RALA: variants seen among roughly 807,000 people sequenced by gnomAD.
RALA encodes RAS like proto-oncogene A, also known as ras-related protein Ral-A.
A neutral mutation model predicts 24.0 loss-of-function variants in RALA; 5 were observed. The ratio of observed to expected loss-of-function variants is 0.21; its 90% confidence interval spans 0.11 to 0.44. The LOEUF is 0.44. Among genes scored for constraint, RALA ranks in the 20% least tolerant of loss-of-function variants. The pLI is 0.99. For missense variants in RALA, 95 were observed against 241.2 expected (o/e 0.39, Z 4.01); for synonymous variants, 77 against 83.8 (o/e 0.92, Z 0.44).
At chr7:39,697,167 G>T (rs1051051131) in intron 4 of RALA, among the ~76,000 whole-genome samples, 1 of 151,890 alleles carries the variant, frequency 6.6e-6, no homozygotes, top group South Asian at 2.1e-4. Flanking sequence ...AGAAGGAATC[G>T]TGTGAGTCCC....
intron 1 of RALA, among the ~76,000 whole-genome samples, chr7:39,652,262 A>G (rs1024851632): frequency 1.3e-5 from 2 of 152,194 alleles, no homozygotes; most frequent in African/African-American, 4.8e-5. Context: ...CACTTCTTCA[A>G]GGTCCCACAT....
chr7:39,701,195 C>T (rs1441364456), intron 4 of RALA, among the ~76,000 whole-genome samples: 2 of 152,180 alleles, frequency 1.3e-5, no homozygotes, highest in Non-Finnish European at 2.9e-5. Flanking sequence ...CACATGCTCA[C>T]ATTCTTTCTT....
chr7:39,688,579 A>ATTTT (rs34265657), intron 2 of RALA, among the ~76,000 whole-genome samples: 7 of 142,770 alleles, frequency 4.9e-5, no homozygotes, highest in Non-Finnish European at 4.5e-5. Context: ...CACATGCCTA[A>ATTTT]TTTTTTTTTT....
At chr7:39,669,669 A>C (rs1042881429) in intron 1 of RALA, among the ~76,000 whole-genome samples, 1 of 151,900 alleles carries the variant, frequency 6.6e-6, no homozygotes, top group Non-Finnish European at 1.5e-5. Flanking sequence ...GAAAAAAATT[A>C]ACCAGGCGTG....
At chr7:39,694,823 A>G (rs1792889080) in intron 3 of RALA, among the ~76,000 whole-genome samples, 1 of 152,034 alleles carries the variant, frequency 6.6e-6, no homozygotes, top group Non-Finnish European at 1.5e-5. Flanking sequence ...CAGGCAGATC[A>G]CTTGAGTTCA....
At chr7:39,673,538 TTTCA>T (rs1424689280) in intron 1 of RALA, among the ~76,000 whole-genome samples, 1 of 152,182 alleles carries the variant, frequency 6.6e-6, no homozygotes, top group Non-Finnish European at 1.5e-5. Flanking sequence ...AAATTGGGTC[TTTCA>T]TTATATATTC....
chr7:39,674,270 A>C (rs1001082290), intron 1 of RALA, among the ~76,000 whole-genome samples: 1 of 152,132 alleles, frequency 6.6e-6, no homozygotes, highest in Admixed American at 6.5e-5. Flanking sequence ...GACAGTTTCC[A>C]TGTGATTAAG....
At chr7:39,665,236 A>AT (rs1216340595) in intron 1 of RALA, among the ~76,000 whole-genome samples, 2 of 152,074 alleles carry the variant, frequency 1.3e-5, no homozygotes, top group Non-Finnish European at 1.5e-5. Context: ...CCTACTCAAC[A>AT]TGAAAATGAT....
At chr7:39,634,958 C>T (rs1791661433) in intron 1 of RALA, among the ~76,000 whole-genome samples, 1 of 152,040 alleles carries the variant, frequency 6.6e-6, no homozygotes, top group Non-Finnish European at 1.5e-5. Context: ...GTCTTTATTT[C>T]CTTTGCTTAT....
intron 1 of RALA, among the ~76,000 whole-genome samples, chr7:39,637,584 A>G (rs540438027): frequency 2.0e-5 from 3 of 152,232 alleles, no homozygotes; most frequent in Non-Finnish European, 4.4e-5. Flanking sequence ...TAGTTTCAGT[A>G]TGTTAACACA....
intron 1 of RALA, among the ~76,000 whole-genome samples, chr7:39,642,499 C>G (rs1459130880): frequency 6.6e-6 from 1 of 152,062 alleles, no homozygotes; most frequent in Non-Finnish European, 1.5e-5. Context: ...TGCTATCTCT[C>G]AGTTGTCTTC....
chr7:39,651,154 C>T (rs979768895), intron 1 of RALA, among the ~76,000 whole-genome samples: 6 of 152,204 alleles, frequency 3.9e-5, no homozygotes, highest in Non-Finnish European at 7.3e-5. Flanking sequence ...TCAACAAACA[C>T]TTTATTATAA....
intron 1 of RALA, among the ~76,000 whole-genome samples, chr7:39,626,618 C>T (rs1484396061): frequency 6.6e-6 from 1 of 152,208 alleles, no homozygotes; most frequent in Non-Finnish European, 1.5e-5. Flanking sequence ...TATCACCGTC[C>T]ATGTGTGCCA....
rs550116180 is a variant in RALA, at chr7:39,673,013, C to T, written c.-37-13618C>T. Among the ~76,000 whole-genome samples, 10 of 152,206 alleles carry T rather than the reference C, an allele frequency of 6.6e-5. 1 individual carries two copies. In the South Asian group the frequency reaches 1.7e-3, roughly 25 times the overall value. On this transcript the variant is annotated intron_variant, in intron 1 of 4. Transcript: ENST00000005257. ...AGTCAGTTTTCAACATATGGCAAAA[C>T]ACTTTCTCTACTAAAAATACAAAAA...
intron 1 of RALA, among the ~76,000 whole-genome samples, chr7:39,682,339 C>T (rs888560438): frequency 2.2e-4 from 33 of 152,200 alleles, no homozygotes; most frequent in Non-Finnish European, 4.4e-4. Context: ...TACCCCAAGC[C>T]TCTGTCCTCT....
At chr7:39,669,136 A>G (rs534380454) in intron 1 of RALA, among the ~76,000 whole-genome samples, 9 of 152,120 alleles carry the variant, frequency 5.9e-5, no homozygotes, top group Non-Finnish European at 1.2e-4. Flanking sequence ...ATAAAATAAA[A>G]ATACAAGTGG....
At chr7:39,689,421 C>T (rs1481393156) in intron 2 of RALA, among the ~76,000 whole-genome samples, 1 of 152,086 alleles carries the variant, frequency 6.6e-6, no homozygotes, top group African/African-American at 2.4e-5. Flanking sequence ...TGAGTATCTC[C>T]CATGTAACAG....
At chr7:39,663,862 T>G (rs551189357) in intron 1 of RALA, among the ~76,000 whole-genome samples, 9 of 152,302 alleles carry the variant, frequency 5.9e-5, no homozygotes, top group Middle Eastern at 3.4e-3. Context: ...TGTCATTATA[T>G]GACAACTTAA....
At chr7:39,625,820 A>G (rs6949371) in intron 1 of RALA, among the ~76,000 whole-genome samples, 12,097 of 152,248 alleles carry the variant, frequency 0.079, 1,030 homozygotes, top group African/African-American at 0.21. Flanking sequence ...AATAAGAAGA[A>G]AGTGCTGACG....
Sources: gnomAD v4.1 joint callset for allele counts (sites outside exome capture counted in the v4.1 genomes callset) on GRCh38, gnomAD v4.1.1 for gene constraint, MANE v1.5 for transcripts, NCBI Gene and HGNC (gene_info 2026-07-23, HGNC 2026-07-21) for gene names.